FBLN7: variants seen among roughly 807,000 people sequenced by gnomAD.
FBLN7 encodes the protein fibulin 7.
A neutral mutation model predicts 44.0 loss-of-function variants in FBLN7; 31 were observed. The ratio of observed to expected loss-of-function variants is 0.70; its 90% CI spans 0.53 to 0.95. The LOEUF (loss-of-function observed/expected upper bound fraction) is 0.95, where lower values mean the gene tolerates loss of function less well. Among genes scored for constraint, FBLN7 ranks in the 40% least tolerant of loss-of-function variants. FBLN7 has a pLI of 0.00. For missense variants in FBLN7, 573 were observed against 618.5 expected, an observed-to-expected ratio of 0.93 and a Z score of 0.78; for synonymous variants, 262 against 253.4, an observed-to-expected ratio of 1.03 and a Z score of -0.32.
the FBLN7 span, among the ~76,000 whole-genome samples, chr2:112,223,661 A>AATCT: frequency 6.6e-6 from 1 of 152,226 alleles, no homozygotes; most frequent in Admixed American, 6.5e-5. Flanking sequence ...GCTAACAATC[A>AATCT]ATCTTTGGGC....
intron 1 of FBLN7, among the ~76,000 whole-genome samples, chr2:112,142,217 G>A (rs551037462): frequency 7.9e-5 from 12 of 152,238 alleles, no homozygotes; most frequent in East Asian, 5.8e-4. Flanking sequence ...CTCCTTCCAC[G>A]TTTTGGGTCT....
chr2:112,228,337 A>G, the FBLN7 span, among the ~76,000 whole-genome samples: 2 of 152,146 alleles, frequency 1.3e-5, no homozygotes, highest in Non-Finnish European at 1.5e-5. Flanking sequence ...GCCTGTCTCT[A>G]CTAAAAATAA....
At position 112,156,426 on chromosome 2, in the gene FBLN7, T is replaced by C. The variant is rs577659221; in HGVS notation, c.76-3250T>C. Among the ~76,000 whole-genome samples the C allele has an allele frequency of 3.2e-4, 48 of 152,332 alleles. No individual in the cohort carries two copies. The South Asian group carries it at 9.5e-3, about 30-fold the overall frequency. On this transcript the variant is annotated intron_variant, in intron 1 of 7. Coordinates refer to ENST00000331203, the MANE Select transcript of FBLN7 (RefSeq NM_153214.3). ...CACGGGGTTGCTGCCGGCCAGTAGC[T>C]GAACTATTCTTTGTTACAGCGAAGA...
At chr2:112,161,580 G>C (rs1453171498) in intron 2 of FBLN7, among the ~76,000 whole-genome samples, 1 of 152,180 alleles carries the variant, frequency 6.6e-6, no homozygotes, top group African/African-American at 2.4e-5. Context: ...AGCCTTCCTT[G>C]TTTTCATGGG....
intron 4 of FBLN7, 113 bp downstream of exon 4, chr2:112,175,952 T>G: frequency 7.4e-7 from 1 of 1,349,420 alleles, no homozygotes; most frequent in Non-Finnish European, 1.0e-6. Context: ...CACTCAAAGA[T>G]GTAGCTTTTC....
At position 112,169,408 on chromosome 2, in the gene FBLN7, CCTT is replaced by C. The variant is rs576076418; in HGVS notation, c.406+4238_406+4240del. 3.2e-4 allele frequency among the ~76,000 whole-genome samples: 49 copies of C among 152,290 alleles called. No individual in the cohort carries two copies. In the South Asian group the frequency reaches 9.7e-3, roughly 30 times the overall value. On this transcript the variant is annotated intron_variant, in intron 3 of 7. Transcript: ENST00000331203. ...TCCTTTATTTTCCTTTTTTCCTCCT[CCTT>C]TCTCTGAAGGCCATGTTTTTAAGAC...
At chr2:112,184,280 G>A (rs552614401) in intron 6 of FBLN7, among the ~76,000 whole-genome samples, 2 of 152,242 alleles carry the variant, frequency 1.3e-5, no homozygotes, top group Non-Finnish European at 2.9e-5. Context: ...AACGGGAGAA[G>A]AGAGGGCAGA....
chr2:112,165,127 G>A lies in FBLN7; in HGVS notation c.362G>A (p.Cys121Tyr), dbSNP rs757134010. ...FRLVGPSSVV[C>Y]LPNGTWTGEQ... ...CTGGTCGGGCCCAGCAGCGTGGTGT[G>A]TCTTCCCAATGGCACCTGGACAGGG... Residue 121 changes from cysteine (C) to tyrosine (Y), a missense_variant, in exon 3 of 8, where the codon TGT (cysteine) becomes TAT (tyrosine). Coordinates refer to ENST00000331203, the MANE Select transcript of FBLN7 (RefSeq NM_153214.3). 175 of 1,614,078 alleles carry A rather than the reference G, an allele frequency of 1.1e-4. No individual in the cohort carries two copies. Among genetic ancestry groups the A allele is most frequent in the Non-Finnish European group, 1.5e-4 (172 of 1,180,038 alleles).
At chr2:112,180,612 A>T (rs1177971593) in intron 4 of FBLN7, among the ~76,000 whole-genome samples, 1 of 152,154 alleles carries the variant, frequency 6.6e-6, no homozygotes, top group Non-Finnish European at 1.5e-5. Context: ...TCAATAACAG[A>T]CTGGATAAAG....
intron 3 of FBLN7, among the ~76,000 whole-genome samples, chr2:112,172,002 C>T (rs988734156): frequency 6.6e-6 from 1 of 152,200 alleles, no homozygotes; most frequent in African/African-American, 2.4e-5. Context: ...CTGCCTCGGC[C>T]TCCCAAAGTG....
At chr2:112,145,392 C>T (rs1245085751) in intron 1 of FBLN7, among the ~76,000 whole-genome samples, 1 of 152,098 alleles carries the variant, frequency 6.6e-6, no homozygotes, top group Non-Finnish European at 1.5e-5. Context: ...CTGCCTCAGC[C>T]TCTGGAGTAT....
chr2:112,179,481 GA>G (rs1682878935), intron 4 of FBLN7, among the ~76,000 whole-genome samples: 1 of 151,578 alleles, frequency 6.6e-6, no homozygotes, highest in African/African-American at 2.4e-5. Flanking sequence ...CACAGAACTA[GA>G]AAAAAATTAC....
At chr2:112,174,187 G>A (rs561017876) in intron 3 of FBLN7, among the ~76,000 whole-genome samples, 1 of 152,334 alleles carries the variant, frequency 6.6e-6, no homozygotes, top group South Asian at 2.1e-4. Flanking sequence ...CTGGACAAGG[G>A]ATAACAGTAA....
chr2:112,210,340 TGAA>T, the FBLN7 span, among the ~76,000 whole-genome samples: 2 of 151,902 alleles, frequency 1.3e-5, no homozygotes, highest in East Asian at 1.9e-4. Flanking sequence ...TTCTCGCTGT[TGAA>T]GAAGGTTGTT....
intron 2 of FBLN7, among the ~76,000 whole-genome samples, chr2:112,161,389 A>G (rs757903941): frequency 1.1e-4 from 17 of 152,140 alleles, no homozygotes; most frequent in Non-Finnish European, 2.4e-4. Flanking sequence ...TTGGCTCCAC[A>G]GCTGCAGAAA....
intron 3 of FBLN7, among the ~76,000 whole-genome samples, chr2:112,169,389 A>C (rs1682335818): frequency 6.6e-6 from 1 of 152,006 alleles, no homozygotes. Context: ...TTTCTCCTTT[A>C]TTTTCCTTTT....
chr2:112,234,053 TAAAA>T, the FBLN7 span: 1 of 945,924 alleles, frequency 1.1e-6, no homozygotes, highest in Non-Finnish European at 1.5e-6. Context: ...AGGTATGAAT[TAAAA>T]GAGTATCAAA....
chr2:112,170,066 C>A (rs1358370966), intron 3 of FBLN7, among the ~76,000 whole-genome samples: 1 of 151,922 alleles, frequency 6.6e-6, no homozygotes, highest in East Asian at 1.9e-4. Flanking sequence ...CATGGTGAAA[C>A]CCCGTCTCTA....
At chr2:112,204,480 G>A in the FBLN7 span, among the ~76,000 whole-genome samples, 1 of 151,474 alleles carries the variant, frequency 6.6e-6, no homozygotes, top group African/African-American at 2.4e-5. Flanking sequence ...ATTCCAAGCA[G>A]GATAAAGACA....
Sources: gnomAD v4.1 joint callset for allele counts (sites outside exome capture counted in the v4.1 genomes callset) on GRCh38, gnomAD v4.1.1 for gene constraint, MANE v1.5 for transcripts, NCBI Gene and HGNC (gene_info 2026-07-23, HGNC 2026-07-21) for gene names.